Variants in CAND2 observed in about 807,000 individuals in gnomAD.
CAND2 encodes cullin-associated NEDD8-dissociated protein 2.
In CAND2, 62 loss-of-function variants were observed where a neutral mutation model predicts 98.9. That is an observed-to-expected ratio of 0.63 (90% CI 0.51 to 0.77). The LOEUF (loss-of-function observed/expected upper bound fraction) is 0.77. Ranked by LOEUF, CAND2 falls within the 30% of genes least tolerant of loss-of-function variation. The probability of loss-of-function intolerance (pLI) is 0.00; values close to 1 mark genes in which losing one functional copy is unlikely to be tolerated. For missense variants in CAND2, 1,501 were observed against 1,655.2 expected (o/e 0.91, Z 1.62); for synonymous variants, 770 against 731.9 (o/e 1.05, Z -0.84).
In CAND2 at chr3:12,816,482, C is replaced by G; in HGVS notation, c.1550C>G (p.Pro517Arg). Residue 517 changes from proline to arginine, a missense_variant, in exon 10 of 15, where the codon CCA becomes CGA. This residue lies in a region of CAND2 where 1,427 missense variants were observed against 1,545.3 expected (regional missense o/e 0.92). Transcript: ENST00000456430. ...LGTEPAEAFHPHLPILLPPVM... is the reference protein window; with the variant it reads ...LGTEPAEAFHRHLPILLPPVM... ...ACCGAACCAGCTGAGGCCTTCCACCCACACTTGCCTATCCTCCTGCCACCT... is the reference window on the plus strand; with the variant it reads ...ACCGAACCAGCTGAGGCCTTCCACCGACACTTGCCTATCCTCCTGCCACCT... The G allele has an allele frequency of 6.2e-7, 1 of 1,614,014 alleles. No individual in the cohort carries two copies.
chr3:12,825,662 C>G (rs767190942), intron 12 of CAND2, 23 bp downstream of exon 12: 12 of 1,582,362 alleles, frequency 7.6e-6, no homozygotes, highest in Non-Finnish European at 1.0e-5. Context: ...GCTGGGGACC[C>G]AGGGGAAGCT....
intron 14 of CAND2, among the ~76,000 whole-genome samples, chr3:12,833,012 T>C (rs1010190064): frequency 6.6e-6 from 1 of 152,148 alleles, no homozygotes; most frequent in Non-Finnish European, 1.5e-5. Flanking sequence ...CTCTTACTTA[T>C]AGATGGGGAA....
In CAND2 at chr3:12,834,094, T is replaced by A. The variant is rs1225950762; in HGVS notation, c.*112T>A. On this transcript the variant is annotated 3_prime_UTR_variant, in exon 15 of 15. Transcript: ENST00000456430. Reference sequence around the variant, plus strand: ...TACTTTTGCCCTTCCACCATCTCACTGGGGGCCCTGTCGCTCCTGGTCAGG... The same window carrying A: ...TACTTTTGCCCTTCCACCATCTCACAGGGGGCCCTGTCGCTCCTGGTCAGG... The A allele has an allele frequency of 1.2e-6, 1 of 847,036 alleles. No individual in the cohort carries two copies. The highest frequency in any genetic ancestry group is 1.9e-6 in the Non-Finnish European group (1 of 533,404). 52.5% of individuals were successfully genotyped at this position (847,036 alleles called of 1,614,324 possible).
At chr3:12,807,684 G>A (rs1006168795) in intron 3 of CAND2, among the ~76,000 whole-genome samples, 5 of 152,258 alleles carry the variant, frequency 3.3e-5, no homozygotes, top group Admixed American at 6.5e-5. Context: ...TCTAACTAAC[G>A]GCAGTTTAAA....
intron 7 of CAND2, among the ~76,000 whole-genome samples, chr3:12,814,547 T>A (rs148136110): frequency 2.0e-5 from 3 of 152,182 alleles, no homozygotes; most frequent in Non-Finnish European, 4.4e-5. Context: ...TTCCTCTTTA[T>A]TAATCCTGCC....
chr3:12,806,061 G>A (rs1358568972), intron 2 of CAND2, among the ~76,000 whole-genome samples: 1 of 152,172 alleles, frequency 6.6e-6, no homozygotes, highest in Non-Finnish European at 1.5e-5. Flanking sequence ...TGAAAACCAT[G>A]GTGCACATGC....
In CAND2 at chr3:12,815,204, A is replaced by G. The variant is rs1312909423; in HGVS notation, c.1070A>G (p.Lys357Arg). The G allele has an allele frequency of 1.2e-6, 2 of 1,613,776 alleles. No homozygotes were observed. Among genetic ancestry groups the G allele is most frequent in the African/African-American group, 2.7e-5 (2 of 75,042 alleles). ...MSWKVRRAAA[K>R]CIAALISSRP... Reference sequence around the variant, plus strand: ...TGGAAGGTGCGCCGGGCAGCTGCCAAGTGCATCGCAGCCTTGATCAGCTCG... The same window carrying G: ...TGGAAGGTGCGCCGGGCAGCTGCCAGGTGCATCGCAGCCTTGATCAGCTCG... Residue 357 changes from lysine to arginine, a missense_variant, in exon 8 of 15, where the codon AAG becomes AGG. By Grantham distance (26) the Lys-to-Arg change is conservative. This residue lies in a region of CAND2 where 1,427 missense variants were observed against 1,545.3 expected (regional missense o/e 0.92). Transcript: ENST00000456430. The surrounding 1 kb of genome is among the most constrained non-coding windows in gnomAD (Gnocchi z 5.7).
At chr3:12,805,891 A>G (rs115592404) in intron 2 of CAND2, among the ~76,000 whole-genome samples, 168 of 152,308 alleles carry the variant, frequency 1.1e-3, no homozygotes, top group Non-Finnish European at 2.1e-3. Flanking sequence ...CTTAAAGGCC[A>G]GAAGTACTAA....
In CAND2 at chr3:12,810,242, G is replaced by A. The variant is rs2124844276; in HGVS notation, c.675G>A (p.Pro225=). 6.5e-7 allele frequency: 1 copy of A among 1,529,342 alleles called. No homozygotes were observed. The highest frequency in any genetic ancestry group is 1.9e-4 in the Middle Eastern group (1 of 5,384). 94.7% of individuals were successfully genotyped at this position (1,529,342 alleles called of 1,614,324 possible). A position where few individuals can be genotyped will look rare whatever the true frequency, so the allele number is the denominator to read the frequency against. The change falls in exon 5 of 15, where the codon CCG becomes CCA. Residue 225 remains proline (P), a synonymous_variant. Transcript: ENST00000456430. ...ACCTACTGGACCGGCTGCCCGGCCC[G>A]CGGGTGCCCACCAGCCCGACTGCCA... The part of the protein sequence containing the change: ...ADHLLDRLPG[P]RVPTSPTAIR...
Position 12,817,361 on chromosome 3 carries a change from C to T in CAND2, c.2429C>T (p.Ala810Val), listed in dbSNP as rs764506700. The T allele has an allele frequency of 3.7e-6, 6 of 1,613,676 alleles. No individual in the cohort carries two copies. In the Admixed American group the frequency reaches 1.0e-4, roughly 27 times the overall value. The change falls in exon 10 of 15, where the codon GCC becomes GTC. Residue 810 changes from alanine to valine, a missense_variant. By Grantham distance (64) the Ala-to-Val change is moderately conservative. Transcript: ENST00000456430. ...CACTCATTGGCCCGGTGTGTGGCAG[C>T]CCTCTCAGCTGCCTGTCCCCAAGAG... ...VFHSLARCVA[A>V]LSAACPQEAA...
At chr3:12,799,234 C>T (rs918416086) in intron 1 of CAND2, among the ~76,000 whole-genome samples, 3 of 152,098 alleles carry the variant, frequency 2.0e-5, no homozygotes, top group Admixed American at 2.0e-4. Flanking sequence ...CTAGATTGTC[C>T]TATTGAAACC....
At chr3:12,809,211 C>A (rs1473498708) in intron 4 of CAND2, among the ~76,000 whole-genome samples, 1 of 151,856 alleles carries the variant, frequency 6.6e-6, no homozygotes, top group Non-Finnish European at 1.5e-5. Context: ...GGGTGCACTC[C>A]GGGAGCCAGC....
At chr3:12,805,849 A>G (rs988576046) in intron 2 of CAND2, among the ~76,000 whole-genome samples, 4 of 152,184 alleles carry the variant, frequency 2.6e-5, no homozygotes, top group African/African-American at 4.8e-5. Flanking sequence ...GTTTTACATT[A>G]TTGTCTTTCT....
At chr3:12,804,459 C>T (rs764044890) in intron 2 of CAND2, among the ~76,000 whole-genome samples, 2 of 152,054 alleles carry the variant, frequency 1.3e-5, no homozygotes, top group African/African-American at 2.4e-5. Context: ...GCAAAAATTC[C>T]ATCTCAAAAA....
chr3:12,807,451 G>A lies in CAND2; in HGVS notation c.358G>A (p.Ala120Thr). Residue 120 changes from alanine to threonine, a missense_variant, in exon 3 of 15, where the codon GCA (alanine) becomes ACA (threonine). Ala to Thr is a moderately conservative substitution (Grantham distance 58, BLOSUM62 0). Coordinates refer to ENST00000456430, the MANE Select transcript of CAND2 (RefSeq NM_001162499.2). The stretch of plus-strand genomic sequence containing the variant: ...GACCGTCCTCTCGGAGCTCCCTCCT[G>A]CAGCCACAGGTACCCAGGTCCCCAG... ...LKTVLSELPP[A>T]ATGSGLATNV... 1.3e-6 allele frequency: 2 copies of A among 1,551,440 alleles called. No homozygotes were observed. The highest frequency in any genetic ancestry group is 1.7e-6 in the Non-Finnish European group (2 of 1,146,894).
At chr3:12,799,197 A>G (rs1490838251) in intron 1 of CAND2, among the ~76,000 whole-genome samples, 1 of 152,132 alleles carries the variant, frequency 6.6e-6, no homozygotes, top group East Asian at 1.9e-4. Context: ...CCCTGAGCCT[A>G]GTTTTCTTAC....
chr3:12,820,230 G>C, intron 11 of CAND2, 49 bp downstream of exon 11: 2 of 1,406,750 alleles, frequency 1.4e-6, no homozygotes, highest in South Asian at 2.4e-5. Context: ...CCCCCACCCA[G>C]TCCTTGAGCT....
Position 12,813,010 on chromosome 3 carries a change from G to A in CAND2, c.778G>A (p.Val260Met). Reference sequence around the variant, plus strand: ...TGCAGGGGCTCACCTGGACCGCCTGGTGCCCCTGGTGGAGGATTTCTGCAA... The same window carrying A: ...TGCAGGGGCTCACCTGGACCGCCTGATGCCCCTGGTGGAGGATTTCTGCAA... ...HRLGAHLDRL[V>M]PLVEDFCNLD... Residue 260 changes from valine to methionine, a missense_variant, in exon 6 of 15, where the codon GTG becomes ATG. Around this residue, in one of 3 missense-constraint regions of CAND2, gnomAD observed 1,427 missense variants for 1,545.3 expected, o/e 0.92. Transcript: ENST00000456430. The A allele has an allele frequency of 6.3e-7, 1 of 1,577,084 alleles. No homozygotes were observed. The highest frequency in any genetic ancestry group is 2.3e-5 in the East Asian group (1 of 43,856).
At chr3:12,797,111 C>T (rs11918133) in intron 1 of CAND2, among the ~76,000 whole-genome samples, 2 of 151,160 alleles carry the variant, frequency 1.3e-5, no homozygotes, top group Non-Finnish European at 3.0e-5. Context: ...GCCTCGGCCT[C>T]TCCTCCCTCG....
Sources: allele counts gnomAD v4.1 joint callset (sites outside exome capture counted in the v4.1 genomes callset), GRCh38; gene constraint gnomAD v4.1.1; regional missense constraint gnomAD v4.1.1; non-coding constraint Gnocchi (gnomAD v3.1); transcripts MANE v1.5; gene names NCBI Gene and HGNC (gene_info 2026-07-23, HGNC 2026-07-21).